XPO7: variants seen among roughly 807,000 people sequenced by gnomAD.
The protein encoded by XPO7 is exportin-7.
A neutral mutation model predicts 144.3 loss-of-function variants in XPO7; 21 were observed. The observed-to-expected ratio is 0.15, with a 90% CI of 0.10 to 0.21. XPO7 has a LOEUF of 0.21. Ranked by LOEUF, XPO7 falls within the 10% of genes least tolerant of loss-of-function variation. The probability of loss-of-function intolerance (pLI) is 1.00; values close to 1 mark genes in which losing one functional copy is unlikely to be tolerated. For missense variants in XPO7, 808 were observed against 1,325.8 expected (o/e 0.61, Z 6.06); for synonymous variants, 580 against 499.6 (o/e 1.16, Z -2.15).
intron 1 of XPO7, among the ~76,000 whole-genome samples, chr8:21,946,020 C>A (rs781495726): frequency 6.6e-5 from 10 of 152,098 alleles, no homozygotes; most frequent in Non-Finnish European, 1.5e-4. Flanking sequence ...TTGTTAGCTC[C>A]CCATAGCCAC....
At chr8:21,969,233 C>T (rs945379618) in intron 2 of XPO7, among the ~76,000 whole-genome samples, 2 of 152,218 alleles carry the variant, frequency 1.3e-5, no homozygotes, top group African/African-American at 4.8e-5. Flanking sequence ...GAAGCAGATA[C>T]CTGTATTAGA....
At chr8:21,943,714 GA>G (rs1282607505) in intron 1 of XPO7, among the ~76,000 whole-genome samples, 4 of 152,156 alleles carry the variant, frequency 2.6e-5, no homozygotes, top group Admixed American at 2.6e-4. Context: ...TCACACATTT[GA>G]AAGACATCCT....
At position 21,984,635 on chromosome 8, in the gene XPO7, C is replaced by T. The variant is rs766600143; in HGVS notation, c.1278-11C>T. 23 of 1,602,438 alleles carry T rather than the reference C, an allele frequency of 1.4e-5. 1 individual carries two copies. On this transcript the variant is annotated splice_polypyrimidine_tract_variant and intron_variant, in intron 11 of 27. Transcript: ENST00000252512. ...TTAAGAGAGCTGCCTTCCTTCTTCC[C>T]TTGGGAATAGAGATGGCCTGGAAGA... is the stretch of plus-strand genomic sequence containing the variant.
At chr8:21,946,469 AC>A (rs985248890) in intron 1 of XPO7, among the ~76,000 whole-genome samples, 1 of 151,824 alleles carries the variant, frequency 6.6e-6, no homozygotes, top group African/African-American at 2.4e-5. Flanking sequence ...AGATTACAGC[AC>A]GGGGCGACAA....
chr8:21,965,500 C>G (rs1811853810), intron 1 of XPO7, among the ~76,000 whole-genome samples: 1 of 152,160 alleles, frequency 6.6e-6, no homozygotes, highest in Non-Finnish European at 1.5e-5. Context: ...AAGTCAGAAA[C>G]AAGTTAAACA....
chr8:21,974,983 A>G (rs3816788), intron 6 of XPO7, among the ~76,000 whole-genome samples: 1 of 152,036 alleles, frequency 6.6e-6, no homozygotes, highest in Non-Finnish European at 1.5e-5. Context: ...TTCCCTGTTT[A>G]AGCTCAATTC....
chr8:21,971,909 A>G lies in XPO7; in HGVS notation c.460A>G (p.Ile154Val), dbSNP rs758800640. 7 of 1,613,590 alleles carry G rather than the reference A, an allele frequency of 4.3e-6. No individual in the cohort carries two copies. Among genetic ancestry groups the G allele is most frequent in the Admixed American group, 3.3e-5 (2 of 60,024 alleles). Residue 154 changes from isoleucine to valine, a missense_variant, in exon 5 of 28, where the codon ATT (isoleucine) becomes GTT (valine). Coordinates refer to ENST00000252512, the MANE Select transcript of XPO7 (RefSeq NM_015024.5). ...SVEYCIIGVT[I>V]LSQLTNEINQ... ...TGAATACTGCATCATTGGTGTCACA[A>G]TTTTATCTCAGCTAACCAATGAAAT... is the stretch of plus-strand genomic sequence containing the variant.
At chr8:21,955,146 A>C (rs935366860) in intron 1 of XPO7, among the ~76,000 whole-genome samples, 4 of 152,230 alleles carry the variant, frequency 2.6e-5, no homozygotes, top group African/African-American at 9.6e-5. Flanking sequence ...TGGCCTGTAT[A>C]ATCTTTCATA....
chr8:21,954,146 T>C (rs1484643686), intron 1 of XPO7, among the ~76,000 whole-genome samples: 1 of 152,222 alleles, frequency 6.6e-6, no homozygotes, highest in Non-Finnish European at 1.5e-5. Context: ...TATCTAGTCA[T>C]TGTAAAACAT....
chr8:21,973,340 A>C (rs1376156903), intron 5 of XPO7, among the ~76,000 whole-genome samples: 1 of 152,210 alleles, frequency 6.6e-6, no homozygotes, highest in African/African-American at 2.4e-5. Context: ...TTTTCTAAGA[A>C]AGTGATGAAA....
At chr8:21,976,329 G>A (rs1812221831) in intron 6 of XPO7, 27 bp from the exon 7 acceptor site, 1 of 1,604,780 alleles carries the variant, frequency 6.2e-7, no homozygotes, top group Non-Finnish European at 8.5e-7. Context: ...GTGATTTTGG[G>A]GACTCATTAT....
At chr8:21,957,893 A>G (rs1378814921) in intron 1 of XPO7, among the ~76,000 whole-genome samples, 1 of 151,290 alleles carries the variant, frequency 6.6e-6, no homozygotes, top group Non-Finnish European at 1.5e-5. Flanking sequence ...TTTTTTTCCC[A>G]CTGCCATGTT....
At chr8:22,004,918 T>TAA in intron 27 of XPO7, 77 bp from the exon 28 acceptor site, 3 of 758,562 alleles carry the variant, frequency 4.0e-6, no homozygotes, top group South Asian at 1.8e-5. Context: ...TTCCCATGCT[T>TAA]TAAAAAAAAA....
At chr8:21,982,479 T>G (rs992649121) in intron 10 of XPO7, among the ~76,000 whole-genome samples, 161 bp from the exon 11 acceptor site, 15 of 151,876 alleles carry the variant, frequency 9.9e-5, no homozygotes, top group Admixed American at 2.6e-4. Flanking sequence ...AAAATACTAA[T>G]AAACACATTA....
At position 21,974,789 on chromosome 8, in the gene XPO7, T is replaced by G. The variant is rs921791290; in HGVS notation, c.597+15T>G. The stretch of plus-strand genomic sequence containing the variant: ...TACTAAAACAGGTGAGCATGTAGTT[T>G]GGGTCATATTTCCCAGTTTCTTTTG... On this transcript the variant is annotated intron_variant, in intron 6 of 27. Coordinates refer to ENST00000252512, the MANE Select transcript of XPO7 (RefSeq NM_015024.5). 6.5e-7 allele frequency: 1 copy of G among 1,536,848 alleles called. No individual in the cohort carries two copies. Among genetic ancestry groups the G allele is most frequent in the Admixed American group, 2.0e-5 (1 of 49,226 alleles).
At chr8:21,946,535 T>C (rs946461949) in intron 1 of XPO7, among the ~76,000 whole-genome samples, 8 of 84,124 alleles carry the variant, frequency 9.5e-5, no homozygotes, top group Admixed American at 2.8e-4. Flanking sequence ...TACCACGAAA[T>C]AACTAGAAAG....
chr8:21,955,417 T>C (rs1227126860), intron 1 of XPO7, among the ~76,000 whole-genome samples: 1 of 152,204 alleles, frequency 6.6e-6, no homozygotes, highest in Middle Eastern at 3.2e-3. Context: ...AATTGAGGGC[T>C]TTTCTGTACA....
chr8:21,974,694 A>G lies in XPO7; in HGVS notation c.517A>G (p.Lys173Glu). 1 of 1,593,598 alleles carries G rather than the reference A, an allele frequency of 6.3e-7. No homozygotes were observed. Among genetic ancestry groups the G allele is most frequent in the Non-Finnish European group, 8.6e-7 (1 of 1,169,482 alleles). Reference protein sequence around the residue: ...NQADTTHPLTKHRKIASSFRD... With the variant: ...NQADTTHPLTEHRKIASSFRD... ...GGCAGACACCACCCATCCTTTAACCAAGCACAGAAAAATAGCCTCTTCTTT... is the reference window on the plus strand; with the variant it reads ...GGCAGACACCACCCATCCTTTAACCGAGCACAGAAAAATAGCCTCTTCTTT... The change falls in exon 6 of 28, where the codon AAG (lysine) becomes GAG (glutamate). Residue 173 changes from lysine to glutamate, a missense_variant. Physicochemically the swap from Lys to Glu is moderately conservative, Grantham distance 56. Transcript: ENST00000252512.
At chr8:21,993,325 T>C (rs752799943) in intron 19 of XPO7, among the ~76,000 whole-genome samples, 5 of 152,202 alleles carry the variant, frequency 3.3e-5, no homozygotes, top group Non-Finnish European at 7.3e-5. Context: ...TAAAGTCTTT[T>C]AAGAGACTGA....
Sources: gnomAD v4.1 joint callset for allele counts (sites outside exome capture counted in the v4.1 genomes callset) on GRCh38, gnomAD v4.1.1 for gene constraint, MANE v1.5 for transcripts, NCBI Gene and HGNC (gene_info 2026-07-23, HGNC 2026-07-21) for gene names.